Variants in MYRIP observed in about 807,000 individuals in gnomAD.
MYRIP encodes the protein myosin VIIA and Rab interacting protein, also known as rab effector MyRIP.
A neutral mutation model predicts 98.0 loss-of-function variants in MYRIP; 49 were observed. That is an observed-to-expected ratio of 0.50 (90% CI 0.40 to 0.63). The LOEUF is 0.63. Ranked by LOEUF, MYRIP falls within the 30% of genes least tolerant of loss-of-function variation. The pLI is 0.00. For missense variants in MYRIP, 1,004 were observed against 1,058.2 expected, an observed-to-expected ratio of 0.95 and a Z score of 0.71; for synonymous variants, 404 against 409.5, an observed-to-expected ratio of 0.99 and a Z score of 0.16.
chr3:39,855,673 C>T (rs546748916), intron 1 of MYRIP, among the ~76,000 whole-genome samples: 6 of 152,224 alleles, frequency 3.9e-5, no homozygotes, highest in South Asian at 2.1e-4. Flanking sequence ...TTGGTGAGGC[C>T]GGTCTCACTC....
chr3:40,033,728 G>T (rs1357736458), intron 2 of MYRIP, among the ~76,000 whole-genome samples: 5 of 152,118 alleles, frequency 3.3e-5, no homozygotes, highest in African/African-American at 9.7e-5. Flanking sequence ...CTACTTTAAA[G>T]TTCATATGGA....
At chr3:40,189,062 G>A (rs1240112697) in intron 9 of MYRIP, among the ~76,000 whole-genome samples, 1 of 152,208 alleles carries the variant, frequency 6.6e-6, no homozygotes, top group African/African-American at 2.4e-5. Flanking sequence ...GTCCTTGCAT[G>A]GTGCTCTGCA....
chr3:39,824,859 G>A (rs1236285780), intron 1 of MYRIP, among the ~76,000 whole-genome samples: 1 of 152,028 alleles, frequency 6.6e-6, no homozygotes, highest in African/African-American at 2.4e-5. Flanking sequence ...GTGACTATAG[G>A]CATATGCCAC....
At chr3:39,935,180 A>G (rs1944630245) in intron 2 of MYRIP, among the ~76,000 whole-genome samples, 1 of 152,178 alleles carries the variant, frequency 6.6e-6, no homozygotes, top group Non-Finnish European at 1.5e-5. Flanking sequence ...GATTCTTTAC[A>G]TGTGCTTCTA....
chr3:39,873,819 T>C (rs539697245), intron 1 of MYRIP, among the ~76,000 whole-genome samples: 6 of 152,200 alleles, frequency 3.9e-5, no homozygotes, highest in Admixed American at 1.3e-4. Flanking sequence ...CTTGGTGATG[T>C]GGGCCCTTTT....
At position 40,193,471 on chromosome 3, in the gene MYRIP, A is replaced by G. The variant is rs573704276; in HGVS notation, c.1665+3008A>G. Among the ~76,000 whole-genome samples the G allele has an allele frequency of 5.3e-5, 8 of 152,340 alleles. No individual in the cohort carries two copies. The South Asian group carries it at 1.7e-3, about 32-fold the overall frequency. ...AAGACTTTTTCAATATCTTGATTTTATAAGCAGTACTGCGGATAATAGGAT... is the reference window on the plus strand; with the variant it reads ...AAGACTTTTTCAATATCTTGATTTTGTAAGCAGTACTGCGGATAATAGGAT... On this transcript the variant is annotated intron_variant, in intron 10 of 16. Coordinates refer to ENST00000302541, the MANE Select transcript of MYRIP (RefSeq NM_015460.4).
chr3:40,210,201 C>G, intron 11 of MYRIP, 108 bp downstream of exon 11: 1 of 1,359,346 alleles, frequency 7.4e-7, no homozygotes, highest in Non-Finnish European at 9.9e-7. Context: ...AGAGCTCTCT[C>G]TAAAATGCCC....
intron 12 of MYRIP, chr3:40,238,775 T>A (rs1410045074): frequency 1.3e-5 from 2 of 151,944 alleles, no homozygotes; most frequent in Non-Finnish European, 1.5e-5. Flanking sequence ...GAAAAAAAAA[T>A]AAAAATACTT....
At chr3:39,812,961 TG>T (rs1014049035) in intron 1 of MYRIP, among the ~76,000 whole-genome samples, 1 of 152,166 alleles carries the variant, frequency 6.6e-6, no homozygotes, top group South Asian at 2.1e-4. Context: ...GGCCGTGGGA[TG>T]GGGGCAGGTG....
chr3:40,160,467 C>T (rs989692862), intron 4 of MYRIP, among the ~76,000 whole-genome samples: 1 of 152,214 alleles, frequency 6.6e-6, no homozygotes, highest in East Asian at 1.9e-4. Context: ...GCCCTGCCCC[C>T]AGAGGTGGAG....
At chr3:40,072,961 C>T (rs1255168662) in intron 3 of MYRIP, among the ~76,000 whole-genome samples, 2 of 152,104 alleles carry the variant, frequency 1.3e-5, no homozygotes, top group African/African-American at 4.8e-5. Context: ...ATCTTTTAAT[C>T]TATGTGTTGC....
intron 8 of MYRIP, chr3:40,174,157 G>A (rs1282945352): frequency 6.6e-6 from 1 of 152,136 alleles, no homozygotes; most frequent in Admixed American, 6.5e-5. Context: ...CATACCCTTG[G>A]GTGAGCACCT....
At chr3:40,180,276 GA>G (rs567622312) in intron 8 of MYRIP, among the ~76,000 whole-genome samples, 103 of 149,686 alleles carry the variant, frequency 6.9e-4, no homozygotes, top group Non-Finnish European at 1.1e-3. Flanking sequence ...TAAGAAATTG[GA>G]AAAAAAAAAT....
intron 3 of MYRIP, among the ~76,000 whole-genome samples, chr3:40,134,248 G>C (rs922328276): frequency 6.6e-6 from 1 of 152,234 alleles, no homozygotes; most frequent in Non-Finnish European, 1.5e-5. Flanking sequence ...CCCGCACCTG[G>C]CTCGGAGGGT....
At chr3:39,845,953 C>A (rs1461232064) in intron 1 of MYRIP, among the ~76,000 whole-genome samples, 1 of 151,874 alleles carries the variant, frequency 6.6e-6, no homozygotes, top group Non-Finnish European at 1.5e-5. Flanking sequence ...ATGTTCACTG[C>A]AAAATGAGAT....
chr3:39,885,752 T>G (rs2125650679), intron 1 of MYRIP, among the ~76,000 whole-genome samples: 1 of 152,242 alleles, frequency 6.6e-6, no homozygotes, highest in African/African-American at 2.4e-5. Flanking sequence ...TCATTTGATC[T>G]TCCATCACTG....
At chr3:39,998,698 A>G (rs1385453439) in intron 2 of MYRIP, among the ~76,000 whole-genome samples, 1 of 152,198 alleles carries the variant, frequency 6.6e-6, no homozygotes, top group Non-Finnish European at 1.5e-5. Context: ...ATATGGAACC[A>G]AAAAAGAGCC....
chr3:39,976,362 T>G (rs1208653658), intron 2 of MYRIP, among the ~76,000 whole-genome samples: 1 of 152,172 alleles, frequency 6.6e-6, no homozygotes, highest in Non-Finnish European at 1.5e-5. Context: ...CTCACACCAG[T>G]TAGAATGGCG....
intron 3 of MYRIP, among the ~76,000 whole-genome samples, chr3:40,108,479 A>G (rs1169857619): frequency 2.6e-5 from 4 of 152,188 alleles, no homozygotes; most frequent in African/African-American, 9.6e-5. Context: ...CTGACATTCA[A>G]CAAATGGGCA....
Sources: allele counts gnomAD v4.1 joint callset (sites outside exome capture counted in the v4.1 genomes callset), GRCh38; gene constraint gnomAD v4.1.1; transcripts MANE v1.5; gene names NCBI Gene and HGNC (gene_info 2026-07-23, HGNC 2026-07-21).